WDR70: variants seen among roughly 807,000 people sequenced by gnomAD.
WDR70 encodes the protein WD repeat domain 70.
Under a neutral mutation model 88.6 loss-of-function variants are expected in WDR70, and 53 were observed. The ratio of observed to expected loss-of-function variants is 0.60; its 90% CI spans 0.48 to 0.75. WDR70 has a LOEUF of 0.75. Ranked by LOEUF, WDR70 falls within the 30% of genes least tolerant of loss-of-function variation. The pLI is 0.00. For missense variants in WDR70, 610 were observed against 823.2 expected (o/e 0.74, Z 3.17); for synonymous variants, 280 against 270.0 (o/e 1.04, Z -0.36).
At chr5:37,616,627 G>T (rs756230220) in intron 10 of WDR70, among the ~76,000 whole-genome samples, 8 of 152,106 alleles carry the variant, frequency 5.3e-5, no homozygotes, top group Non-Finnish European at 7.4e-5. Context: ...CTCTGTTATG[G>T]ACTAGAAGAT....
At chr5:37,668,636 G>T (rs995952997) in intron 10 of WDR70, among the ~76,000 whole-genome samples, 17 of 152,188 alleles carry the variant, frequency 1.1e-4, no homozygotes, top group African/African-American at 4.1e-4. Flanking sequence ...CACACAGGGA[G>T]CCAGAAGATT....
chr5:37,714,158 A>C (rs930973598), intron 13 of WDR70, among the ~76,000 whole-genome samples: 10 of 152,222 alleles, frequency 6.6e-5, no homozygotes, highest in African/African-American at 2.4e-4. Flanking sequence ...ATACAGGAAG[A>C]TTCAGCTTTT....
chr5:37,747,575 C>G (rs1748669030), intron 17 of WDR70, among the ~76,000 whole-genome samples: 1 of 152,170 alleles, frequency 6.6e-6, no homozygotes, highest in South Asian at 2.1e-4. Context: ...AAAGCATTCC[C>G]TTTGAAAACT....
chr5:37,646,602 C>A (rs1057216503), intron 10 of WDR70, among the ~76,000 whole-genome samples: 1 of 152,036 alleles, frequency 6.6e-6, no homozygotes, highest in Non-Finnish European at 1.5e-5. Flanking sequence ...CTTTATTTTT[C>A]TTTCATGTTT....
chr5:37,492,178 T>C (rs906133065), intron 8 of WDR70, among the ~76,000 whole-genome samples: 2 of 152,160 alleles, frequency 1.3e-5, no homozygotes, highest in African/African-American at 4.8e-5. Flanking sequence ...GATAAACCAA[T>C]CCAAAAATTA....
chr5:37,567,485 A>G (rs993379617), intron 9 of WDR70, among the ~76,000 whole-genome samples: 5 of 152,174 alleles, frequency 3.3e-5, no homozygotes, highest in East Asian at 1.9e-4. Context: ...AGTGCTAACA[A>G]TATAATCTGG....
intron 5 of WDR70, among the ~76,000 whole-genome samples, chr5:37,414,711 C>G (rs1749640252): frequency 6.6e-6 from 1 of 151,414 alleles, no homozygotes; most frequent in South Asian, 2.1e-4. Flanking sequence ...CCATCCTTGG[C>G]TGTGGGCATG....
chr5:37,451,658 C>T (rs1468624852), intron 7 of WDR70, among the ~76,000 whole-genome samples: 13 of 152,002 alleles, frequency 8.6e-5, no homozygotes, highest in Non-Finnish European at 1.6e-4. Context: ...AACAGGAATG[C>T]TACTACCAAA....
At chr5:37,479,654 A>G in intron 7 of WDR70, 180 bp from the exon 8 acceptor site, 1 of 623,242 alleles carries the variant, frequency 1.6e-6, no homozygotes, top group Non-Finnish European at 2.7e-6. Context: ...TATAGGCATG[A>G]GCTACCTTGC....
At position 37,442,876 on chromosome 5, in the gene WDR70, A is replaced by G. The variant is rs188949292; in HGVS notation, c.553-363A>G. ...ATCTTAAAAGTTTTCCTCAGATTGT[A>G]TGTTGAAAATGCTGAATTATTGTAA... On this transcript the variant is annotated intron_variant, in intron 6 of 17. Transcript: ENST00000265107. 1.1e-4 allele frequency among the ~76,000 whole-genome samples: 17 copies of G among 152,292 alleles called. No individual in the cohort carries two copies. The East Asian group carries it at 1.7e-3, about 16-fold the overall frequency.
At chr5:37,422,784 A>C (rs1296538525) in intron 5 of WDR70, among the ~76,000 whole-genome samples, 3 of 151,810 alleles carry the variant, frequency 2.0e-5, no homozygotes, top group Non-Finnish European at 4.4e-5. Context: ...CCCAGCCCTC[A>C]GCTAAATTTT....
chr5:37,608,159 A>G (rs1744088805), intron 10 of WDR70, among the ~76,000 whole-genome samples: 1 of 149,722 alleles, frequency 6.7e-6, no homozygotes, highest in Non-Finnish European at 1.5e-5. Flanking sequence ...CTTCTGCCTC[A>G]GCCTCCAGAG....
chr5:37,393,816 T>G (rs1308192486), intron 4 of WDR70, among the ~76,000 whole-genome samples: 1 of 151,968 alleles, frequency 6.6e-6, no homozygotes, highest in Non-Finnish European at 1.5e-5. Context: ...AAGTAGGTGG[T>G]ACTACAGGTG....
chr5:37,549,575 A>G (rs1742085124), intron 9 of WDR70, among the ~76,000 whole-genome samples: 1 of 152,316 alleles, frequency 6.6e-6, no homozygotes, highest in African/African-American at 2.4e-5. Context: ...TTATATCACC[A>G]TCTGCAAACA....
At chr5:37,390,770 G>A (rs187725580) in intron 3 of WDR70, among the ~76,000 whole-genome samples, 1 of 148,174 alleles carries the variant, frequency 6.7e-6, no homozygotes, top group African/African-American at 2.5e-5. Flanking sequence ...AGGCTGGAGT[G>A]CAATGGCGCA....
intron 5 of WDR70, among the ~76,000 whole-genome samples, chr5:37,399,909 A>G (rs915382969): frequency 6.6e-6 from 1 of 152,014 alleles, no homozygotes; most frequent in African/African-American, 2.4e-5. Flanking sequence ...TGTAGAATAC[A>G]GTGGTTATTT....
chr5:37,706,956 A>G (rs1364246499), intron 13 of WDR70, among the ~76,000 whole-genome samples: 1 of 152,196 alleles, frequency 6.6e-6, no homozygotes. Flanking sequence ...GTTTTATACA[A>G]TAAAAGCACA....
At chr5:37,577,605 G>A (rs929024108) in intron 9 of WDR70, among the ~76,000 whole-genome samples, 8 of 152,152 alleles carry the variant, frequency 5.3e-5, no homozygotes, top group South Asian at 2.1e-4. Flanking sequence ...AGAGATACAC[G>A]TGTGAGGCAA....
intron 10 of WDR70, among the ~76,000 whole-genome samples, chr5:37,620,970 T>C (rs554645257): frequency 3.3e-5 from 5 of 152,120 alleles, no homozygotes; most frequent in African/African-American, 1.2e-4. Context: ...AGGAAGCAGA[T>C]GGATGTACAA....
Sources: allele counts gnomAD v4.1 joint callset (sites outside exome capture counted in the v4.1 genomes callset), GRCh38; gene constraint gnomAD v4.1.1; transcripts MANE v1.5; gene names NCBI Gene and HGNC (gene_info 2026-07-23, HGNC 2026-07-21).